AKT3: variants seen among roughly 807,000 people sequenced by gnomAD.
The protein encoded by AKT3 is AKT serine/threonine kinase 3.
AKT3 carries 15 observed loss-of-function variants against 65.3 expected under a neutral mutation model. The observed-to-expected ratio is 0.23, with a 90% CI of 0.15 to 0.35. The LOEUF (loss-of-function observed/expected upper bound fraction) is 0.35, where lower values mean the gene tolerates loss of function less well. AKT3 is among the 10% of genes least tolerant of loss of function. The pLI, the probability that AKT3 is intolerant of heterozygous loss-of-function variation, is 1.00. For synonymous variants in AKT3, 206 were observed against 183.8 expected, an observed-to-expected ratio of 1.12 and a Z score of -0.98; for missense variants, 243 against 576.5, an observed-to-expected ratio of 0.42 and a Z score of 5.92.
intron 3 of AKT3, among the ~76,000 whole-genome samples, chr1:243,694,656 C>A (rs1684942659): frequency 1.3e-5 from 2 of 151,480 alleles, no homozygotes; most frequent in African/African-American, 4.8e-5. Context: ...TAAGGGCTAA[C>A]CTGAATTAAA....
intron 4 of AKT3, among the ~76,000 whole-genome samples, chr1:243,663,738 G>A (rs985243322): frequency 1.5e-4 from 23 of 152,120 alleles, no homozygotes; most frequent in African/African-American, 5.5e-4. Flanking sequence ...TATTCATTTG[G>A]AAAATAAGGC....
intron 4 of AKT3, among the ~76,000 whole-genome samples, chr1:243,653,844 T>C (rs374125563): frequency 6.6e-6 from 1 of 152,238 alleles, no homozygotes; most frequent in African/African-American, 2.4e-5. Flanking sequence ...TGAAATGATA[T>C]AATACGGCAA....
At chr1:243,505,977 C>G (rs1378815446) in intron 13 of AKT3, among the ~76,000 whole-genome samples, 1 of 152,264 alleles carries the variant, frequency 6.6e-6, no homozygotes, top group African/African-American at 2.4e-5. Flanking sequence ...AGGCCGCTGA[C>G]AATCACAGTG....
intron 2 of AKT3, among the ~76,000 whole-genome samples, chr1:243,705,294 A>G (rs1187193547): frequency 6.6e-6 from 1 of 152,198 alleles, no homozygotes; most frequent in Non-Finnish European, 1.5e-5. Context: ...AAAAATACCT[A>G]TGCATTGAAT....
intron 8 of AKT3, 143 bp from the exon 9 acceptor site, chr1:243,573,191 A>G: frequency 1.1e-6 from 1 of 942,484 alleles, no homozygotes; most frequent in Non-Finnish European, 1.5e-6. Flanking sequence ...CTTAGACAGC[A>G]GCTGGCTTAT....
At chr1:243,536,456 AAT>A (rs1227568022) in intron 12 of AKT3, among the ~76,000 whole-genome samples, 1 of 152,164 alleles carries the variant, frequency 6.6e-6, no homozygotes, top group Non-Finnish European at 1.5e-5. Flanking sequence ...GGTGCAAATA[AAT>A]ATGTTTCTCA....
At chr1:243,649,184 T>C (rs1027218171) in intron 4 of AKT3, among the ~76,000 whole-genome samples, 4 of 152,156 alleles carry the variant, frequency 2.6e-5, no homozygotes, top group East Asian at 1.9e-4. Context: ...TTTCCAGTAA[T>C]TGACATCTAT....
Position 243,653,974 on chromosome 1 carries a change from C to T in AKT3, c.285-7937G>A, listed in dbSNP as rs914237144. On this transcript the variant is annotated intron_variant, in intron 4 of 13. Coordinates refer to ENST00000673466, the MANE Select transcript of AKT3 (RefSeq NM_005465.7). The stretch of plus-strand genomic sequence containing the variant: ...TTTTTTAAATTATTTTGCACTTTTT[C>T]AGAATTCCATTTTAATTTTCCTGTT... Among the ~76,000 whole-genome samples, 9 of 151,964 alleles carry T rather than the reference C, an allele frequency of 5.9e-5. No individual in the cohort carries two copies. The South Asian group carries it at 1.9e-3, about 32-fold the overall frequency.
chr1:243,672,015 T>TCTCC (rs150691334), intron 3 of AKT3, among the ~76,000 whole-genome samples: 4,382 of 152,260 alleles, frequency 0.029, 234 homozygotes, highest in African/African-American at 0.099. Context: ...GCTTGGCCCT[T>TCTCC]CTCCCATCTA....
chr1:243,821,509 A>C (rs1220803277), intron 2 of AKT3, among the ~76,000 whole-genome samples: 1 of 152,140 alleles, frequency 6.6e-6, no homozygotes, highest in African/African-American at 2.4e-5. Flanking sequence ...AACAATCAAG[A>C]CCCATCAGTG....
At chr1:243,698,012 T>C (rs150940379) in intron 2 of AKT3, among the ~76,000 whole-genome samples, 87 of 152,154 alleles carry the variant, frequency 5.7e-4, no homozygotes, top group African/African-American at 2.0e-3. Flanking sequence ...TTTATTTTAC[T>C]GAAAAAAGAC....
chr1:243,652,424 G>C (rs186998719), intron 4 of AKT3, among the ~76,000 whole-genome samples: 1 of 152,148 alleles, frequency 6.6e-6, no homozygotes, highest in African/African-American at 2.4e-5. Flanking sequence ...AGCAAATGCT[G>C]AGAGGTTTTG....
In AKT3 at chr1:243,577,674, A is replaced by G. The variant is rs191536980; in HGVS notation, c.697-4626T>C. On this transcript the variant is annotated intron_variant, in intron 8 of 13. Transcript: ENST00000673466. ...GACAACATCAAAAGCAATTACAACA[A>G]AAGCAATAATTGACAAGTGGGATCT... Among the ~76,000 whole-genome samples the G allele has an allele frequency of 2.6e-3, 403 of 152,328 alleles. 2 individuals carry two copies. Among genetic ancestry groups the G allele is most frequent in the Non-Finnish European group, 4.5e-3 (306 of 68,030 alleles).
chr1:243,563,744 G>A lies in AKT3; in HGVS notation c.924C>T (p.Gly308=), dbSNP rs2148488094. ...CCTCTGGTGCCAGATATTCTGGAGTGCCACAGAATGTCTTCATGGTGGCTG... is the reference window on the plus strand; with the variant it reads ...CCTCTGGTGCCAGATATTCTGGAGTACCACAGAATGTCTTCATGGTGGCTG... ...TDAATMKTFC[G]TPEYLAPEVL... is the part of the protein sequence containing the mutation. Residue 308 remains glycine, a synonymous_variant, in exon 10 of 14, where the codon GGC becomes GGT. Coordinates refer to ENST00000673466, the MANE Select transcript of AKT3 (RefSeq NM_005465.7). The A allele has an allele frequency of 6.2e-7, 1 of 1,610,830 alleles. No individual in the cohort carries two copies. The highest frequency in any genetic ancestry group is 8.5e-7 in the Non-Finnish European group (1 of 1,179,022).
rs141768596 is a variant in AKT3 at position 243,632,806 on chromosome 1, G to C, written c.561+4805C>G. ...ATTGCACTTTTAGGCTATAGAGATG[G>C]TGTCTTTCCTTAAACCTCACACGCC... On this transcript the variant is annotated intron_variant, in intron 6 of 13. Coordinates refer to ENST00000673466, the MANE Select transcript of AKT3 (RefSeq NM_005465.7). Among the ~76,000 whole-genome samples the C allele has an allele frequency of 1.5e-3, 235 of 152,312 alleles. 2 individuals carry two copies. Among genetic ancestry groups the C allele is most frequent in the African/African-American group, 5.5e-3 (230 of 41,572 alleles).
chr1:243,596,763 C>G (rs987928431), intron 8 of AKT3, among the ~76,000 whole-genome samples: 3 of 152,134 alleles, frequency 2.0e-5, no homozygotes, highest in East Asian at 1.9e-4. Flanking sequence ...CAGCTTTATT[C>G]ATATTAGGCA....
At chr1:243,806,277 A>T (rs1397482560) in intron 2 of AKT3, among the ~76,000 whole-genome samples, 1 of 152,180 alleles carries the variant, frequency 6.6e-6, no homozygotes, top group East Asian at 1.9e-4. Context: ...AACTATGTCC[A>T]GGTGCAAGGA....
At chr1:243,560,536 A>C (rs1490435385) in intron 10 of AKT3, among the ~76,000 whole-genome samples, 1 of 152,160 alleles carries the variant, frequency 6.6e-6, no homozygotes, top group African/African-American at 2.4e-5. Context: ...TAACAACAAT[A>C]ATCACTCTTC....
chr1:243,607,272 A>T (rs1414190826), intron 8 of AKT3, among the ~76,000 whole-genome samples: 2 of 152,140 alleles, frequency 1.3e-5, no homozygotes, highest in Non-Finnish European at 2.9e-5. Context: ...GACACTCAAC[A>T]CCAGCCCATG....
Sources: gnomAD v4.1 joint callset for allele counts (sites outside exome capture counted in the v4.1 genomes callset) on GRCh38, gnomAD v4.1.1 for gene constraint, MANE v1.5 for transcripts, NCBI Gene and HGNC (gene_info 2026-07-23, HGNC 2026-07-21) for gene names.